The following GFRA1 variants were observed in gnomAD, a reference collection of about 807,000 sequenced individuals.
GFRA1 encodes the protein GDNF family receptor alpha 1.
In GFRA1, 16 loss-of-function variants were observed where a neutral mutation model predicts 51.6. That is an observed-to-expected ratio of 0.31 (90% CI 0.21 to 0.47). GFRA1 has a LOEUF of 0.47. Ranked by LOEUF, GFRA1 falls within the 20% of genes least tolerant of loss-of-function variation. The pLI is 1.00. For synonymous variants in GFRA1, 270 were observed against 241.3 expected (o/e 1.12, Z -1.10); for missense variants, 530 against 594.3 (o/e 0.89, Z 1.13).
At chr10:116,127,714 G>T (rs1165950271) in intron 5 of GFRA1, among the ~76,000 whole-genome samples, 3 of 152,208 alleles carry the variant, frequency 2.0e-5, no homozygotes, top group Non-Finnish European at 2.9e-5. Context: ...GGCCACCAGG[G>T]CCTCTGGGCC....
At position 116,271,997 on chromosome 10, in the gene GFRA1, C is replaced by A. The variant is rs1274678090; in HGVS notation, c.33G>T (p.Pro11=). 25 of 1,556,856 alleles carry A rather than the reference C, an allele frequency of 1.6e-5. No individual in the cohort carries two copies. The highest frequency in any genetic ancestry group is 2.2e-5 in the Non-Finnish European group (25 of 1,150,722). The change falls in exon 2 of 11, where the codon CCG becomes CCT. Residue 11 remains proline (P), a synonymous_variant. Transcript: ENST00000355422. ...CGGCGGGCCTCGACTTACCCAAGAGCGGCAGCGCGAAGTACAGGGTCGCCA... is the reference window on the plus strand; with the variant it reads ...CGGCGGGCCTCGACTTACCCAAGAGAGGCAGCGCGAAGTACAGGGTCGCCA... MFLATLYFAL[P]LLDLLLSAEV...
chr10:116,182,868 G>A (rs7901535), intron 5 of GFRA1, among the ~76,000 whole-genome samples: 2,994 of 152,292 alleles, frequency 0.02, 95 homozygotes, highest in African/African-American at 0.066. Flanking sequence ...TCAAGTATCA[G>A]CCAGAGCTGA....
At chr10:116,229,237 C>T (rs1031613432) in intron 4 of GFRA1, among the ~76,000 whole-genome samples, 1 of 152,032 alleles carries the variant, frequency 6.6e-6, no homozygotes, top group Admixed American at 6.5e-5. Context: ...TTATACACAA[C>T]CAAACAGTGG....
At position 116,061,794 on chromosome 10, in the gene GFRA1, G is replaced by A. The variant is rs1954831614; in HGVS notation, c.*2604C>T. Reference sequence around the variant, plus strand: ...CCAAGAAGAAGTGAGACAGGTAAATGATTTAACTTATTGTGCTCCAGTTCT... The same window carrying A: ...CCAAGAAGAAGTGAGACAGGTAAATAATTTAACTTATTGTGCTCCAGTTCT... On this transcript the variant is annotated 3_prime_UTR_variant, in exon 11 of 11. Coordinates refer to ENST00000355422, the MANE Select transcript of GFRA1 (RefSeq NM_005264.8). 5.1e-6 allele frequency: 2 copies of A among 393,502 alleles called. No individual in the cohort carries two copies. Among genetic ancestry groups the A allele is most frequent in the Non-Finnish European group, 9.0e-6 (2 of 223,314 alleles). 24.4% of individuals were successfully genotyped at this position (393,502 alleles called of 1,614,324 possible). A position where few individuals can be genotyped will look rare whatever the true frequency, so the allele number is the denominator to read the frequency against.
intron 5 of GFRA1, among the ~76,000 whole-genome samples, chr10:116,193,896 G>T (rs1963489233): frequency 6.6e-6 from 1 of 151,950 alleles, no homozygotes; most frequent in Non-Finnish European, 1.5e-5. Flanking sequence ...GAAATTAGCT[G>T]GGCGTGGTGG....
chr10:116,273,499 C>T (rs1442526790), upstream of GFRA1: 3 of 152,426 alleles, frequency 2.0e-5, no homozygotes, highest in African/African-American at 7.2e-5. Flanking sequence ...TCCCGCCGCT[C>T]CGCAGCTCCA....
upstream of GFRA1, among the ~76,000 whole-genome samples, chr10:116,273,822 A>C (rs1844122946): frequency 6.6e-6 from 1 of 152,122 alleles, no homozygotes; most frequent in Non-Finnish European, 1.5e-5. Flanking sequence ...CTGTGATTCA[A>C]GACTTGGTGC....
In GFRA1 at chr10:116,110,234, G is replaced by A. The variant is rs1296923690; in HGVS notation, c.771-13470C>T. Among the ~76,000 whole-genome samples, 5 of 152,264 alleles carry A rather than the reference G, an allele frequency of 3.3e-5. No individual in the cohort carries two copies. The East Asian group carries it at 9.7e-4, about 30-fold the overall frequency. On this transcript the variant is annotated intron_variant, in intron 6 of 10. Transcript: ENST00000355422. Reference sequence around the variant, plus strand: ...GCATCTGAGGTCAGTACCCTCTGCTGCCCATGATGACAAGGGATTTCACTG... The same window carrying A: ...GCATCTGAGGTCAGTACCCTCTGCTACCCATGATGACAAGGGATTTCACTG...
chr10:116,164,045 G>C (rs1417624898), intron 5 of GFRA1, among the ~76,000 whole-genome samples: 2 of 152,128 alleles, frequency 1.3e-5, no homozygotes, highest in African/African-American at 2.4e-5. Context: ...TGTGGCAGCA[G>C]GAGGTCAGGA....
intron 5 of GFRA1, among the ~76,000 whole-genome samples, chr10:116,186,254 C>A (rs756318635): frequency 5.6e-4 from 86 of 152,328 alleles, no homozygotes; most frequent in Non-Finnish European, 7.9e-4. Context: ...GTGGTTAACA[C>A]AGTCCCAGAC....
At chr10:116,165,416 A>G (rs572772942) in intron 5 of GFRA1, among the ~76,000 whole-genome samples, 2 of 146,298 alleles carry the variant, frequency 1.4e-5, no homozygotes, top group South Asian at 2.1e-4. Context: ...GGGCCAGGAT[A>G]TAACTCACAT....
At chr10:116,204,307 T>C (rs1964560537) in intron 5 of GFRA1, among the ~76,000 whole-genome samples, 1 of 152,266 alleles carries the variant, frequency 6.6e-6, no homozygotes, top group Non-Finnish European at 1.5e-5. Context: ...TTAATATTTA[T>C]ACACCTGGTT....
chr10:116,264,490 A>G (rs1440666519), intron 4 of GFRA1, among the ~76,000 whole-genome samples: 1 of 152,252 alleles, frequency 6.6e-6, no homozygotes, highest in Non-Finnish European at 1.5e-5. Context: ...AAACAGACAC[A>G]TAAATAAGTC....
intron 5 of GFRA1, among the ~76,000 whole-genome samples, chr10:116,201,203 G>C (rs1397418447): frequency 6.6e-6 from 1 of 152,050 alleles, no homozygotes; most frequent in African/African-American, 2.4e-5. Flanking sequence ...TGCTGATTGG[G>C]AGTGCTGAGT....
intron 4 of GFRA1, among the ~76,000 whole-genome samples, chr10:116,267,707 AC>A: frequency 6.6e-6 from 1 of 151,870 alleles, no homozygotes; most frequent in Non-Finnish European, 1.5e-5. Flanking sequence ...CACTGGCAAC[AC>A]CCCATCCCAG....
At chr10:116,216,104 G>T (rs1167439236) in intron 4 of GFRA1, among the ~76,000 whole-genome samples, 1 of 152,138 alleles carries the variant, frequency 6.6e-6, no homozygotes, top group Non-Finnish European at 1.5e-5. Context: ...GATCTTTAAT[G>T]CACTGAGTCC....
intron 5 of GFRA1, among the ~76,000 whole-genome samples, chr10:116,179,940 A>G (rs1962045656): frequency 6.6e-6 from 1 of 152,192 alleles, no homozygotes; most frequent in African/African-American, 2.4e-5. Context: ...TCCTCTGGAA[A>G]TGAAACAGGG....
At chr10:116,236,867 G>A (rs1966906544) in intron 4 of GFRA1, among the ~76,000 whole-genome samples, 1 of 152,130 alleles carries the variant, frequency 6.6e-6, no homozygotes, top group Non-Finnish European at 1.5e-5. Context: ...CTTCTTATAT[G>A]CAACTTTGTT....
chr10:116,117,557 G>GGGTGGGTGGGTGGA (rs1555152575), intron 6 of GFRA1, among the ~76,000 whole-genome samples: 1 of 97,348 alleles, frequency 1.0e-5, no homozygotes, highest in Admixed American at 1.1e-4. Context: ...GGGTGGGTGT[G>GGGTGGGTGGGTGGA]TGGATGGATG....
Sources: allele counts gnomAD v4.1 joint callset (sites outside exome capture counted in the v4.1 genomes callset), GRCh38; gene constraint gnomAD v4.1.1; transcripts MANE v1.5; gene names NCBI Gene and HGNC (gene_info 2026-07-23, HGNC 2026-07-21).